Variants in NEDD4 observed in about 807,000 individuals in gnomAD.
NEDD4 encodes NEDD4 E3 ubiquitin protein ligase, also known as E3 ubiquitin-protein ligase NEDD4.
A neutral mutation model predicts 144.9 loss-of-function variants in NEDD4; 99 were observed. That is an observed-to-expected ratio of 0.68 (90% CI 0.58 to 0.81). The LOEUF is 0.81. Ranked by LOEUF, NEDD4 falls within the 30% of genes least tolerant of loss-of-function variation. The pLI, the probability that NEDD4 is intolerant of heterozygous loss-of-function variation, is 0.00. For missense variants in NEDD4, 985 were observed against 1,065.9 expected (o/e 0.92, Z 1.06); for synonymous variants, 318 against 350.6 (o/e 0.91, Z 1.04).
chr15:55,865,877 A>G (rs10438326), intron 8 of NEDD4, among the ~76,000 whole-genome samples: 139,014 of 152,100 alleles, frequency 0.91, 63,682 homozygotes, highest in East Asian at 0.96. Context: ...CGAGTAGTGG[A>G]GTAGGAAGAT....
At chr15:55,975,390 T>C (rs1195678065) in intron 1 of NEDD4, among the ~76,000 whole-genome samples, 1 of 152,164 alleles carries the variant, frequency 6.6e-6, no homozygotes, top group African/African-American at 2.4e-5. Context: ...TCAGTAAAGT[T>C]GCAGGATACA....
chr15:55,936,541 T>C (rs1175103615), intron 4 of NEDD4, among the ~76,000 whole-genome samples: 1 of 152,216 alleles, frequency 6.6e-6, no homozygotes, highest in Non-Finnish European at 1.5e-5. Flanking sequence ...ATAAGTTATA[T>C]TACTTCTATA....
chr15:55,926,577 G>A (rs1251999670), intron 4 of NEDD4, among the ~76,000 whole-genome samples: 1 of 152,144 alleles, frequency 6.6e-6, no homozygotes, highest in Non-Finnish European at 1.5e-5. Context: ...AGACCAGCCT[G>A]GGCATCATAG....
chr15:55,869,525 T>C, intron 8 of NEDD4, 54 bp downstream of exon 8: 4 of 1,046,808 alleles, frequency 3.8e-6, no homozygotes, highest in Non-Finnish European at 4.2e-6. Flanking sequence ...CAGAGTACAG[T>C]AAAATAAGAA....
intron 2 of NEDD4, chr15:55,952,813 A>C (rs1363360750): frequency 6.6e-6 from 1 of 151,850 alleles, no homozygotes; most frequent in Non-Finnish European, 1.5e-5. Flanking sequence ...AATGTTTTTA[A>C]ACTCCTCCTC....
At chr15:55,915,896 G>T in intron 5 of NEDD4, 1 of 1,613,936 alleles carries the variant, frequency 6.2e-7, no homozygotes. Context: ...TAGCACTAGT[G>T]CCATCCTCAT....
chr15:55,942,288 T>C (rs539510189), intron 4 of NEDD4, among the ~76,000 whole-genome samples: 11 of 152,326 alleles, frequency 7.2e-5, no homozygotes, highest in African/African-American at 2.4e-4. Flanking sequence ...ATTTGGCTAA[T>C]GTTAATACAA....
chr15:55,950,540 C>CA (rs1451392448), intron 4 of NEDD4, among the ~76,000 whole-genome samples: 1 of 152,166 alleles, frequency 6.6e-6, no homozygotes, highest in Admixed American at 6.5e-5. Flanking sequence ...TCAAATGCTG[C>CA]AAAGAGCATG....
At chr15:55,974,673 C>A (rs2037669054) in intron 1 of NEDD4, among the ~76,000 whole-genome samples, 2 of 151,522 alleles carry the variant, frequency 1.3e-5, no homozygotes, top group African/African-American at 4.8e-5. Flanking sequence ...CCCATATGAT[C>A]ATTTCAACTG....
intron 1 of NEDD4, among the ~76,000 whole-genome samples, chr15:55,980,219 C>T (rs373533638): frequency 1.3e-5 from 2 of 152,214 alleles, no homozygotes; most frequent in African/African-American, 2.4e-5. Flanking sequence ...AGGCGTGAGC[C>T]ACTGCACCTG....
At chr15:55,915,011 G>C (rs928828415) in intron 5 of NEDD4, among the ~76,000 whole-genome samples, 1 of 152,030 alleles carries the variant, frequency 6.6e-6, no homozygotes, top group Non-Finnish European at 1.5e-5. Context: ...GTTGTAGAAA[G>C]TTTTTTATGT....
At chr15:55,925,496 G>GT (rs1480147749) in intron 4 of NEDD4, among the ~76,000 whole-genome samples, 1 of 152,030 alleles carries the variant, frequency 6.6e-6, no homozygotes, top group Non-Finnish European at 1.5e-5. Flanking sequence ...TATACACTGC[G>GT]TTTTCACTTA....
chr15:55,915,975 G>C, intron 5 of NEDD4: 7 of 1,613,850 alleles, frequency 4.3e-6, no homozygotes, highest in Non-Finnish European at 5.1e-6. Flanking sequence ...GCTCAGAAGA[G>C]TACACAGACT....
chr15:55,943,234 A>G (rs1429449239), intron 4 of NEDD4, among the ~76,000 whole-genome samples: 1 of 152,250 alleles, frequency 6.6e-6, no homozygotes, highest in Non-Finnish European at 1.5e-5. Flanking sequence ...ATCATGTGGT[A>G]GAAAAGAAAG....
intron 5 of NEDD4, among the ~76,000 whole-genome samples, chr15:55,890,074 GGATGGATACCCCATTTACTCT>G (rs1483807495): frequency 6.6e-6 from 1 of 151,944 alleles, no homozygotes; most frequent in Non-Finnish European, 1.5e-5. Context: ...AAGCTTGAGG[GGATGGATACCCCATTTACTCT>G]GATGCAATTA....
chr15:55,854,406 T>C (rs895557398), intron 12 of NEDD4, among the ~76,000 whole-genome samples: 7 of 152,130 alleles, frequency 4.6e-5, no homozygotes, highest in African/African-American at 1.7e-4. Flanking sequence ...AGCTGGTGAA[T>C]AGATAAATGT....
chr15:55,833,894 A>G (rs1208046456), intron 26 of NEDD4, 144 bp downstream of exon 26: 2 of 644,918 alleles, frequency 3.1e-6, no homozygotes, highest in African/African-American at 3.7e-5. Flanking sequence ...TGTATACAGT[A>G]TAAAATCAAA....
intron 17 of NEDD4, 41 bp downstream of exon 17, chr15:55,848,331 A>T: frequency 6.3e-7 from 1 of 1,584,512 alleles, no homozygotes; most frequent in Non-Finnish European, 8.7e-7. Flanking sequence ...GAGACAGGTG[A>T]GCGGACAGTC....
At position 55,829,598 on chromosome 15, in the gene NEDD4, A is replaced by C. The variant is rs1476630852; in HGVS notation, c.*299T>G. The C allele has an allele frequency of 1.4e-5, 3 of 217,232 alleles. No individual in the cohort carries two copies. Among genetic ancestry groups the C allele is most frequent in the Non-Finnish European group, 2.8e-5 (3 of 108,890 alleles). 13.5% of individuals were successfully genotyped at this position (217,232 alleles called of 1,614,324 possible). A position where few individuals can be genotyped will look rare whatever the true frequency, so the allele number is the denominator to read the frequency against. On this transcript the variant is annotated 3_prime_UTR_variant, in exon 29 of 29. Coordinates refer to ENST00000435532, the MANE Select transcript of NEDD4 (RefSeq NM_006154.4). ...TGTTAAGGACAAAATTCACTATTTA[A>C]GTCATACAGGACTTATATCCTATTG... is the stretch of plus-strand genomic sequence containing the variant.
Sources: gnomAD v4.1 joint callset for allele counts (sites outside exome capture counted in the v4.1 genomes callset) on GRCh38, gnomAD v4.1.1 for gene constraint, MANE v1.5 for transcripts, NCBI Gene and HGNC (gene_info 2026-07-23, HGNC 2026-07-21) for gene names.